The following LONP2 variants were observed in gnomAD, a reference collection of about 807,000 sequenced individuals.
LONP2 encodes the protein lon protease homolog 2, peroxisomal.
LONP2 carries 60 observed loss-of-function variants against 85.6 expected under a neutral mutation model. The observed-to-expected ratio is 0.70, with a 90% CI of 0.57 to 0.87. The LOEUF (loss-of-function observed/expected upper bound fraction) is 0.87. Among genes scored for constraint, LONP2 ranks in the 40% least tolerant of loss-of-function variants. The pLI, the probability that LONP2 is intolerant of heterozygous loss-of-function variation, is 0.00. For synonymous variants in LONP2, 395 were observed against 389.7 expected (o/e 1.01, Z -0.16); for missense variants, 860 against 1,063.5 (o/e 0.81, Z 2.66).
chr16:48,294,759 A>G (rs900906891), intron 8 of LONP2, among the ~76,000 whole-genome samples: 19 of 152,300 alleles, frequency 1.2e-4, no homozygotes, highest in African/African-American at 4.6e-4. Context: ...AAACAAAACA[A>G]AAAACTAACT....
chr16:48,326,422 A>G (rs1266384851), intron 11 of LONP2, among the ~76,000 whole-genome samples: 1 of 152,208 alleles, frequency 6.6e-6, no homozygotes, highest in Non-Finnish European at 1.5e-5. Context: ...TGTTACCAGA[A>G]AATTTAGCTC....
intron 8 of LONP2, among the ~76,000 whole-genome samples, chr16:48,280,903 G>C (rs1972312036): frequency 6.6e-6 from 1 of 152,126 alleles, no homozygotes; most frequent in African/African-American, 2.4e-5. Flanking sequence ...TTTCTTCTGT[G>C]TCCATTTTGA....
Position 48,334,326 on chromosome 16 carries a change from G to A in LONP2, c.1906G>A (p.Asp636Asn). 6.2e-7 allele frequency: 1 copy of A among 1,614,124 alleles called. No homozygotes were observed. Residue 636 changes from aspartate to asparagine, a missense_variant, in exon 12 of 15, where the codon GAC becomes AAC. This residue lies in a region of LONP2 where 743 missense variants were observed against 917.3 expected (regional missense o/e 0.81). Coordinates refer to ENST00000285737, the MANE Select transcript of LONP2 (RefSeq NM_031490.5). ...PILIDFHALK[D>N]ILGPPMYEME... is the part of the protein sequence containing the mutation. ...TTTGATTGATTTCCATGCTCTGAAA[G>A]ACATCCTTGGGCCCCCGATGTATGA...
intron 11 of LONP2, among the ~76,000 whole-genome samples, chr16:48,311,838 T>C (rs1973037496): frequency 6.6e-6 from 1 of 152,142 alleles, no homozygotes; most frequent in Non-Finnish European, 1.5e-5. Flanking sequence ...CCCAGGCTAG[T>C]CTTGAACTCC....
rs146919525 is a variant in LONP2 at position 48,351,061 on chromosome 16, G to A, written c.2338-520G>A. Among the ~76,000 whole-genome samples, 285 of 152,262 alleles carry A rather than the reference G, an allele frequency of 1.9e-3. 1 individual carries two copies. The highest frequency in any genetic ancestry group is 6.5e-3 in the African/African-American group (272 of 41,544). On this transcript the variant is annotated intron_variant, in intron 14 of 14. Coordinates refer to ENST00000285737, the MANE Select transcript of LONP2 (RefSeq NM_031490.5). ...GTCACAAAGCCTGGCCCACATTCAA[G>A]CAGGGGGACCATTGTAGACATGTTT...
intron 11 of LONP2, among the ~76,000 whole-genome samples, chr16:48,312,300 G>GC (rs1050473967): frequency 7.3e-5 from 11 of 151,408 alleles, no homozygotes; most frequent in Non-Finnish European, 1.6e-4. Context: ...TTGAAGATTT[G>GC]TTTTTTAGTT....
chr16:48,279,321 T>A (rs1257300342), intron 8 of LONP2, among the ~76,000 whole-genome samples: 1 of 152,134 alleles, frequency 6.6e-6, no homozygotes, highest in Non-Finnish European at 1.5e-5. Context: ...CAACAGTGAG[T>A]TCCACAATAG....
At chr16:48,323,965 C>T (rs571553836) in intron 11 of LONP2, among the ~76,000 whole-genome samples, 1 of 152,202 alleles carries the variant, frequency 6.6e-6, no homozygotes, top group Non-Finnish European at 1.5e-5. Flanking sequence ...CAGCCCTGGT[C>T]AGTAACTTGA....
At position 48,244,355 on chromosome 16, in the gene LONP2, T is replaced by G; in HGVS notation, c.-34T>G. On this transcript the variant is annotated 5_prime_UTR_variant, in exon 1 of 15. Transcript: ENST00000285737. Reference sequence around the variant, plus strand: ...CCGGGGGCAGCTGTCTGTCTGGCTCTTTTTGACAGCCCCCAGTGCGAAAGG... The same window carrying G: ...CCGGGGGCAGCTGTCTGTCTGGCTCGTTTTGACAGCCCCCAGTGCGAAAGG... 6.8e-7 allele frequency: 1 copy of G among 1,478,420 alleles called. No individual in the cohort carries two copies. The highest frequency in any genetic ancestry group is 2.6e-5 in the East Asian group (1 of 37,850). The allele number at this position is 1,478,420 out of a possible 1,614,324, so 91.6% of individuals were successfully genotyped here. A position where few individuals can be genotyped will look rare whatever the true frequency, so the allele number is the denominator to read the frequency against.
chr16:48,307,049 G>A (rs944333676), intron 11 of LONP2, among the ~76,000 whole-genome samples: 3 of 152,302 alleles, frequency 2.0e-5, no homozygotes, highest in Non-Finnish European at 2.9e-5. Context: ...CAAACTTTCT[G>A]GAATAGGCCC....
downstream of LONP2, chr16:48,361,421 T>C: frequency 1.5e-6 from 1 of 657,700 alleles, no homozygotes; most frequent in Non-Finnish European, 2.6e-6. Flanking sequence ...TGTTACTACA[T>C]GCAACTGTTT....
intron 11 of LONP2, among the ~76,000 whole-genome samples, chr16:48,331,139 A>G (rs770858646): frequency 6.6e-6 from 1 of 152,116 alleles, no homozygotes; most frequent in Non-Finnish European, 1.5e-5. Flanking sequence ...GAGTACCACT[A>G]CCTTCCATCT....
intron 1 of LONP2, among the ~76,000 whole-genome samples, chr16:48,249,460 T>G (rs1971567139): frequency 6.6e-6 from 1 of 152,232 alleles, no homozygotes; most frequent in African/African-American, 2.4e-5. Flanking sequence ...CCTGTTTGTA[T>G]ATATAAAACC....
At chr16:48,248,960 GA>G (rs1337500433) in intron 1 of LONP2, among the ~76,000 whole-genome samples, 1 of 151,496 alleles carries the variant, frequency 6.6e-6, no homozygotes, top group African/African-American at 2.4e-5. Context: ...CCTCATCTTG[GA>G]AAACTTTTTC....
At chr16:48,339,189 A>C (rs1218373500) in intron 12 of LONP2, among the ~76,000 whole-genome samples, 1 of 152,204 alleles carries the variant, frequency 6.6e-6, no homozygotes, top group East Asian at 1.9e-4. Context: ...GAAAAACAGA[A>C]AGGGACTGGG....
At chr16:48,254,410 C>T (rs959096732) in intron 2 of LONP2, among the ~76,000 whole-genome samples, 1 of 149,526 alleles carries the variant, frequency 6.7e-6, no homozygotes, top group Non-Finnish European at 1.5e-5. Context: ...GTTGCCCAGG[C>T]TGGAGTGCAG....
intron 8 of LONP2, among the ~76,000 whole-genome samples, chr16:48,284,344 G>A (rs913056047): frequency 5.3e-5 from 8 of 152,116 alleles, no homozygotes; most frequent in African/African-American, 9.7e-5. Flanking sequence ...GAAATTCTAC[G>A]GTGGGCAAAA....
intron 11 of LONP2, among the ~76,000 whole-genome samples, chr16:48,331,762 C>T (rs1042666821): frequency 1.3e-5 from 2 of 152,160 alleles, no homozygotes; most frequent in African/African-American, 4.8e-5. Flanking sequence ...GACGGGGTTT[C>T]ACTGTGTTAG....
chr16:48,358,959 C>T (rs1430516554), downstream of LONP2, among the ~76,000 whole-genome samples: 2 of 152,112 alleles, frequency 1.3e-5, no homozygotes. Context: ...AGTAAAACTA[C>T]AAAATGATAT....
Sources: gnomAD v4.1 joint callset for allele counts (sites outside exome capture counted in the v4.1 genomes callset) on GRCh38, gnomAD v4.1.1 for gene constraint, gnomAD v4.1.1 regional missense constraint, MANE v1.5 for transcripts, NCBI Gene and HGNC (gene_info 2026-07-23, HGNC 2026-07-21) for gene names.